FHOD3: variants seen among roughly 807,000 people sequenced by gnomAD.
The protein encoded by FHOD3 is formin homology 2 domain containing 3.
FHOD3 carries 90 observed loss-of-function variants against 173.0 expected under a neutral mutation model. The observed-to-expected ratio is 0.52, with a 90% CI of 0.44 to 0.62. The LOEUF (loss-of-function observed/expected upper bound fraction) is 0.62. Ranked by LOEUF, FHOD3 falls within the 20% of genes least tolerant of loss-of-function variation. The probability of loss-of-function intolerance (pLI) is 0.00; values close to 1 mark genes in which losing one functional copy is unlikely to be tolerated. For synonymous variants in FHOD3, 828 were observed against 823.0 expected (o/e 1.01, Z -0.10); for missense variants, 1,945 against 2,034.7 (o/e 0.96, Z 0.85).
intron 18 of FHOD3, among the ~76,000 whole-genome samples, chr18:36,712,730 T>C (rs1467622735): frequency 2.0e-5 from 3 of 151,988 alleles, no homozygotes; most frequent in Non-Finnish European, 4.4e-5. Flanking sequence ...ACTTCTCAAA[T>C]TTGTCAAAAG....
intron 5 of FHOD3, among the ~76,000 whole-genome samples, chr18:36,568,958 A>G (rs2058366019): frequency 6.6e-6 from 1 of 152,212 alleles, no homozygotes; most frequent in Admixed American, 6.5e-5. Context: ...GTAAGAGTGA[A>G]CATTCCTGAA....
chr18:36,310,837 C>T (rs1287186605), intron 1 of FHOD3, among the ~76,000 whole-genome samples: 1 of 151,788 alleles, frequency 6.6e-6, no homozygotes, highest in African/African-American at 2.4e-5. Context: ...AGGTGAGACA[C>T]AGGTAGGATA....
intron 10 of FHOD3, among the ~76,000 whole-genome samples, chr18:36,639,533 G>A (rs1263209276): frequency 6.6e-6 from 1 of 152,182 alleles, no homozygotes; most frequent in African/African-American, 2.4e-5. Flanking sequence ...CGTGGTGGCG[G>A]GTGCCTGTAG....
chr18:36,661,712 G>A (rs933788759), intron 14 of FHOD3, among the ~76,000 whole-genome samples: 1 of 152,176 alleles, frequency 6.6e-6, no homozygotes, highest in African/African-American at 2.4e-5. Flanking sequence ...TGTGTTAGAT[G>A]TTGATAAAAC....
chr18:36,433,316 T>C (rs1359163331), intron 3 of FHOD3, among the ~76,000 whole-genome samples: 5 of 152,212 alleles, frequency 3.3e-5, no homozygotes, highest in African/African-American at 1.2e-4. Flanking sequence ...CATTTACTCA[T>C]TTAAGCCTCA....
At chr18:36,562,017 TATTG>T (rs2058102207) in intron 5 of FHOD3, among the ~76,000 whole-genome samples, 1 of 147,546 alleles carries the variant, frequency 6.8e-6, no homozygotes, top group Non-Finnish European at 1.5e-5. Context: ...TATTGTATTG[TATTG>T]TATTGTATTT....
intron 21 of FHOD3, 147 bp from the exon 22 acceptor site, chr18:36,742,590 T>C: frequency 1.1e-6 from 1 of 875,766 alleles, no homozygotes; most frequent in Non-Finnish European, 1.7e-6. Context: ...TGCCACACGT[T>C]TCCATACCTA....
At chr18:36,411,616 G>A (rs1216288332) in intron 3 of FHOD3, among the ~76,000 whole-genome samples, 1 of 151,948 alleles carries the variant, frequency 6.6e-6, no homozygotes, top group African/African-American at 2.4e-5. Context: ...ATTTTTGTCA[G>A]TATAATATAG....
chr18:36,464,330 G>T (rs535264181), intron 3 of FHOD3, among the ~76,000 whole-genome samples: 25 of 152,304 alleles, frequency 1.6e-4, no homozygotes, highest in Admixed American at 5.2e-4. Flanking sequence ...CAGTTCCTAA[G>T]GACATTTTGC....
rs59109469 is a variant in FHOD3 at position 36,369,440 on chromosome 18, AACACACACACAC to A, written c.273-3192_273-3181del. 7.9e-3 allele frequency among the ~76,000 whole-genome samples: 745 copies of A among 94,226 alleles called. 6 individuals carry two copies. The highest frequency in any genetic ancestry group is 0.04 in the Middle Eastern group (5 of 126). The allele number at this position is 94,226 out of a possible 152,430, so 61.8% of individuals were successfully genotyped here. Reference sequence around the variant, plus strand: ...GATGTCCTTTGTTTTATTTTATTTAAACACACACACACACACACACACACACACACACACACA... The same window carrying A: ...GATGTCCTTTGTTTTATTTTATTTAAACACACACACACACACACACACACA... On this transcript the variant is annotated intron_variant, in intron 2 of 28. Transcript: ENST00000590592.
chr18:36,718,263 G>C lies in FHOD3; in HGVS notation c.2965G>C (p.Glu989Gln). ...IWDQLMANPR[E>Q]LRIQDMDFTD... ...GGACCAGCTCATGGCCAATCCAAGAGAGCTCAGAATCCAAGACATGGATTT... is the reference window on the plus strand; with the variant it reads ...GGACCAGCTCATGGCCAATCCAAGACAGCTCAGAATCCAAGACATGGATTT... The change falls in exon 19 of 29, where the codon GAG becomes CAG. Residue 989 changes from glutamate (E) to glutamine (Q), a missense_variant. Physicochemically the swap from Glu to Gln is conservative, Grantham distance 29 (BLOSUM62 2). Coordinates refer to ENST00000590592, the MANE Select transcript of FHOD3 (RefSeq NM_001281740.3). 6.2e-7 allele frequency: 1 copy of C among 1,614,152 alleles called. No homozygotes were observed. The highest frequency in any genetic ancestry group is 8.5e-7 in the Non-Finnish European group (1 of 1,180,020).
intron 6 of FHOD3, 108 bp from the exon 7 acceptor site, chr18:36,594,678 GA>G (rs1253085625): frequency 6.0e-6 from 4 of 666,192 alleles, no homozygotes; most frequent in African/African-American, 5.4e-5. Context: ...TGTAATTGCT[GA>G]GAGCGTCTCA....
Position 36,598,614 on chromosome 18 carries a change from G to A in FHOD3, c.718+3716G>A, listed in dbSNP as rs563570044. On this transcript the variant is annotated intron_variant, in intron 7 of 28. Coordinates refer to ENST00000590592, the MANE Select transcript of FHOD3 (RefSeq NM_001281740.3). The stretch of plus-strand genomic sequence containing the variant: ...GTCGCCCAGGCTGGAGTGCAGTGGC[G>A]CAATCTTGGCTCACTGCAAGCTCCA... Among the ~76,000 whole-genome samples the A allele has an allele frequency of 2.6e-5, 4 of 151,908 alleles. No individual in the cohort carries two copies. In the East Asian group the frequency reaches 5.8e-4, roughly 22 times the overall value.
chr18:36,605,128 T>G (rs2031911392), intron 8 of FHOD3, among the ~76,000 whole-genome samples: 2 of 152,230 alleles, frequency 1.3e-5, no homozygotes, highest in African/African-American at 4.8e-5. Context: ...TGAGCTCATT[T>G]TACCATTTGA....
intron 6 of FHOD3, among the ~76,000 whole-genome samples, chr18:36,582,121 A>G (rs1443762945): frequency 1.3e-5 from 2 of 152,156 alleles, no homozygotes; most frequent in Non-Finnish European, 2.9e-5. Flanking sequence ...TTGGCAAGAA[A>G]ACTTTGGACA....
At chr18:36,721,999 G>T (rs2040819736) in intron 19 of FHOD3, among the ~76,000 whole-genome samples, 1 of 152,104 alleles carries the variant, frequency 6.6e-6, no homozygotes, top group African/African-American at 2.4e-5. Context: ...TCTAAGGCTG[G>T]GGTGACCACC....
chr18:36,745,026 G>A (rs1461122957), intron 23 of FHOD3, among the ~76,000 whole-genome samples: 3 of 152,182 alleles, frequency 2.0e-5, no homozygotes, highest in Admixed American at 6.5e-5. Flanking sequence ...GTACTGGGGT[G>A]TGTTGGAATC....
At chr18:36,530,505 G>T (rs536143870) in intron 5 of FHOD3, among the ~76,000 whole-genome samples, 3 of 152,342 alleles carry the variant, frequency 2.0e-5, no homozygotes, top group African/African-American at 7.2e-5. Flanking sequence ...ATGAGTGAGT[G>T]TAATGATGTG....
chr18:36,606,586 G>A lies in FHOD3; in HGVS notation c.813+3818G>A, dbSNP rs369477882. On this transcript the variant is annotated intron_variant, in intron 8 of 28. Coordinates refer to ENST00000590592, the MANE Select transcript of FHOD3 (RefSeq NM_001281740.3). Reference sequence around the variant, plus strand: ...AAATTCATGTCCTCCTCATGTGCAAGATATATCCATTCCATCCCATTAGCC... The same window carrying A: ...AAATTCATGTCCTCCTCATGTGCAAAATATATCCATTCCATCCCATTAGCC... Among the ~76,000 whole-genome samples, 8 of 152,266 alleles carry A rather than the reference G, an allele frequency of 5.3e-5. No individual in the cohort carries two copies. In the East Asian group the frequency reaches 1.5e-3, roughly 29 times the overall value.
Sources: allele counts gnomAD v4.1 joint callset (sites outside exome capture counted in the v4.1 genomes callset), GRCh38; gene constraint gnomAD v4.1.1; transcripts MANE v1.5; gene names NCBI Gene and HGNC (gene_info 2026-07-23, HGNC 2026-07-21).